Variants in SEMA6B observed in about 807,000 individuals in gnomAD.
SEMA6B encodes the protein semaphorin 6B, also known as semaphorin-6B.
In SEMA6B, 47 loss-of-function variants were observed where a neutral mutation model predicts 78.6. The ratio of observed to expected loss-of-function variants is 0.60; its 90% CI spans 0.47 to 0.76. The LOEUF is 0.76. Among genes scored for constraint, SEMA6B ranks in the 30% least tolerant of loss-of-function variants. The pLI is 0.00. For missense variants in SEMA6B, 1,213 were observed against 1,269.9 expected (o/e 0.96, Z 0.68); for synonymous variants, 632 against 592.2 (o/e 1.07, Z -0.98).
At position 4,557,194 on chromosome 19, in the gene SEMA6B, G is replaced by C. The variant is rs770748233; in HGVS notation, c.275C>G (p.Pro92Arg). 5.6e-6 allele frequency: 9 copies of C among 1,605,810 alleles called. No individual in the cohort carries two copies. The East Asian group carries it at 1.6e-4, about 28-fold the overall frequency. ...GTACCGCAGCTCCGTGGACGTGGGG[G>C]GCTCCAGCTCTACGCGGTAGAGGTT... ...RDNLYRVELE[P>R]PTSTELRYQR... Residue 92 changes from proline to arginine, a missense_variant, in exon 4 of 17, where the codon CCC becomes CGC. Physicochemically the swap from Pro to Arg is moderately radical, Grantham distance 103. Transcript: ENST00000586582.
chr19:4,555,037 G>T lies in SEMA6B; in HGVS notation c.621C>A (p.Tyr207Ter). The change falls in exon 8 of 17, where the codon TAC becomes TAA. Residue 207 changes from tyrosine to a stop codon, truncating the protein, a stop_gained. Transcript: ENST00000586582. LOFTEE classifies it high-confidence loss of function. This position sits in a 1 kb window ranked among gnomAD's most constrained non-coding sequence, Gnocchi z 6.1. Reference protein sequence around the residue: ...TDFLAIDAVIYRSLGDRPTLR... With the variant: ...TDFLAIDAVI Reference sequence around the variant, plus strand: ...GGGTGGGCCTGTCCCCGAGGCTGCGGTAGATGACAGCATCAATGGCTAGGA... The same window carrying T: ...GGGTGGGCCTGTCCCCGAGGCTGCGTTAGATGACAGCATCAATGGCTAGGA... 6.2e-7 allele frequency: 1 copy of T among 1,614,026 alleles called. No homozygotes were observed. Among genetic ancestry groups the T allele is most frequent in the Non-Finnish European group, 8.5e-7 (1 of 1,179,976 alleles).
chr19:4,556,530 G>A (rs1977474519), intron 5 of SEMA6B, among the ~76,000 whole-genome samples: 1 of 143,728 alleles, frequency 7.0e-6, no homozygotes, highest in Non-Finnish European at 1.5e-5. Flanking sequence ...CCGGGGGCGT[G>A]GGGGGCGGCA....
At position 4,550,999 on chromosome 19, in the gene SEMA6B, G is replaced by C. The variant is rs544110179; in HGVS notation, c.990-69C>G. The C allele has an allele frequency of 3.5e-4, 552 of 1,566,644 alleles. 6 individuals carry two copies. In the South Asian group the frequency reaches 5.7e-3, roughly 16 times the overall value. On this transcript the variant is annotated intron_variant, in intron 10 of 16. Transcript: ENST00000586582. This position sits in a 1 kb window ranked among gnomAD's most constrained non-coding sequence, Gnocchi z 6.6. ...CCCCATCTCGGACAAGTGCGTGCAG[G>C]AGCCTCTGTCTGCAGGAGCCAGTGA...
chr19:4,553,807 GA>G (rs1350925910), intron 9 of SEMA6B, among the ~76,000 whole-genome samples: 3 of 144,334 alleles, frequency 2.1e-5, no homozygotes, highest in African/African-American at 7.8e-5. Context: ...ATGGATGGAT[GA>G]ATGGATGGGT....
rs1568258219 is a variant in SEMA6B at position 4,555,900 on chromosome 19, C to A, written c.471+88G>T. On this transcript the variant is annotated intron_variant, in intron 6 of 16. Coordinates refer to ENST00000586582, the MANE Select transcript of SEMA6B (RefSeq NM_032108.4). The surrounding 1 kb of genome is among the most constrained non-coding windows in gnomAD (Gnocchi z 6.1). Reference sequence around the variant, plus strand: ...GGAAGGCTTCCTGGAGGAGGTGACACGGCCTGGGGAAAAGCCATGGCCAGC... The same window carrying A: ...GGAAGGCTTCCTGGAGGAGGTGACAAGGCCTGGGGAAAAGCCATGGCCAGC... The A allele has an allele frequency of 1.9e-6, 2 of 1,047,842 alleles. No individual in the cohort carries two copies. The highest frequency in any genetic ancestry group is 1.5e-6 in the Non-Finnish European group (1 of 668,156). 64.9% of individuals were successfully genotyped at this position (1,047,842 alleles called of 1,614,324 possible). A position where few individuals can be genotyped will look rare whatever the true frequency, so the allele number is the denominator to read the frequency against.
chr19:4,556,234 G>C, intron 5 of SEMA6B, 145 bp from the exon 6 acceptor site: 1 of 645,210 alleles, frequency 1.5e-6, no homozygotes, highest in Non-Finnish European at 2.8e-6. Context: ...ACTGGCTGGG[G>C]ACACGGTGCG....
Position 4,543,985 on chromosome 19 carries a change from C to T in SEMA6B, c.2283G>A (p.Gln761=). 8.3e-7 allele frequency: 1 copy of T among 1,205,298 alleles called. No homozygotes were observed. Among genetic ancestry groups the T allele is most frequent in the Non-Finnish European group, 1.0e-6 (1 of 971,244 alleles). 74.7% of individuals were successfully genotyped at this position (1,205,298 alleles called of 1,614,324 possible). ...LLLAPARAPE[Q]PPAPGEPTPD... is the part of the protein sequence containing the mutation. ...GGGTCGGCTCCCCAGGCGCGGGGGG[C>T]TGCTCGGGGGCCCGGGCGGGCGCCA... is the stretch of plus-strand genomic sequence containing the variant. The change falls in exon 17 of 17, where the codon CAG becomes CAA. Residue 761 remains glutamine (Q), a synonymous_variant. Transcript: ENST00000586582.
Position 4,550,129 on chromosome 19 carries a change from A to G in SEMA6B, c.1265T>C (p.Leu422Pro), listed in dbSNP as rs202111768. The G allele has an allele frequency of 2.5e-6, 4 of 1,613,616 alleles. No individual in the cohort carries two copies. In the African/African-American group the frequency reaches 5.3e-5, roughly 22 times the overall value. Reference sequence around the variant, plus strand: ...CTGCCTCTCCAGGACCGACCTCATCAGGGTCCGCAGGATCCAGGGCGCATG... The same window carrying G: ...CTGCCTCTCCAGGACCGACCTCATCGGGGTCCGCAGGATCCAGGGCGCATG... ...LGHAPWILRT[L>P]MRHQLTRVAV... Residue 422 changes from leucine to proline, a missense_variant, in exon 12 of 17, where the codon CTG becomes CCG. Physicochemically the swap from Leu to Pro is moderately conservative, Grantham distance 98. Transcript: ENST00000586582. This position sits in a 1 kb window ranked among gnomAD's most constrained non-coding sequence, Gnocchi z 6.6.
intron 16 of SEMA6B, chr19:4,545,932 C>T (rs960321451): frequency 1.2e-4 from 27 of 232,296 alleles, no homozygotes; most frequent in Admixed American, 4.7e-4. Context: ...CCACCACGCC[C>T]GGCTAATTTT....
chr19:4,545,175 TACTA>T (rs1368972305), intron 16 of SEMA6B, among the ~76,000 whole-genome samples: 1 of 151,504 alleles, frequency 6.6e-6, no homozygotes, highest in East Asian at 2.0e-4. Flanking sequence ...AACCCATCTC[TACTA>T]AAAATACAAA....
At chr19:4,556,787 G>A (rs1163434165) in intron 5 of SEMA6B, among the ~76,000 whole-genome samples, 164 bp downstream of exon 5, 1 of 147,804 alleles carries the variant, frequency 6.8e-6, no homozygotes, top group African/African-American at 2.5e-5. Context: ...GCTGTTTGGG[G>A]GTGTGGCCAG....
At chr19:4,553,635 G>A (rs1232583867) in intron 9 of SEMA6B, among the ~76,000 whole-genome samples, 2 of 150,536 alleles carry the variant, frequency 1.3e-5, no homozygotes, top group African/African-American at 4.9e-5. Flanking sequence ...AGGATGGATG[G>A]ATGGGTGGGT....
chr19:4,548,532 TACAG>T, intron 12 of SEMA6B, 87 bp from the exon 13 acceptor site: 1 of 1,245,430 alleles, frequency 8.0e-7, no homozygotes, highest in South Asian at 1.3e-5. Context: ...CACGGGTGCA[TACAG>T]ACACTGACAC....
In SEMA6B at chr19:4,554,936, G is replaced by C. The variant is rs200571333; in HGVS notation, c.682+40C>G. 3.7e-6 allele frequency: 6 copies of C among 1,605,090 alleles called. No individual in the cohort carries two copies. The East Asian group carries it at 1.3e-4, about 36-fold the overall frequency. ...AGATTTGATGAATGTCAGGTTCTGG[G>C]CCCTGCCAGGTCTGGGCCCACTGCC... On this transcript the variant is annotated intron_variant, in intron 8 of 16. Transcript: ENST00000586582.
At position 4,543,127 on chromosome 19, in the gene SEMA6B, C is replaced by G; in HGVS notation, c.*474G>C. On this transcript the variant is annotated 3_prime_UTR_variant, in exon 17 of 17. Transcript: ENST00000586582. Reference sequence around the variant, plus strand: ...CGGCCCCTTGCACACGAACACGGCACGCACACGCACGCACACCCACACACG... The same window carrying G: ...CGGCCCCTTGCACACGAACACGGCAGGCACACGCACGCACACCCACACACG... The G allele has an allele frequency of 3.2e-6, 2 of 616,962 alleles. No homozygotes were observed. Among genetic ancestry groups the G allele is most frequent in the South Asian group, 3.7e-5 (2 of 54,742 alleles). 38.2% of individuals were successfully genotyped at this position (616,962 alleles called of 1,614,324 possible).
chr19:4,554,960 C>T lies in SEMA6B; in HGVS notation c.682+16G>A. 6.2e-7 allele frequency: 1 copy of T among 1,612,160 alleles called. No individual in the cohort carries two copies. The highest frequency in any genetic ancestry group is 8.5e-7 in the Non-Finnish European group (1 of 1,178,674). On this transcript the variant is annotated intron_variant, in intron 8 of 16. Transcript: ENST00000586582. ...GGCCCTGCCAGGTCTGGGCCCACTG[C>T]CCTTCCTGGTCTCACCTTTGAACCA...
Position 4,543,032 on chromosome 19 carries a change from C to A in SEMA6B, c.*569G>T. On this transcript the variant is annotated 3_prime_UTR_variant, in exon 17 of 17. Coordinates refer to ENST00000586582, the MANE Select transcript of SEMA6B (RefSeq NM_032108.4). ...TCGTCGCTCGTGGACACACACCCTG[C>A]ACGCGTGGCCCACTTGACACACACG... The A allele has an allele frequency of 1.5e-6, 1 of 676,170 alleles. No homozygotes were observed. The highest frequency in any genetic ancestry group is 2.1e-5 in the Admixed American group (1 of 48,088). 41.9% of individuals were successfully genotyped at this position (676,170 alleles called of 1,614,324 possible).
In SEMA6B at chr19:4,550,119, C is replaced by A; in HGVS notation, c.1271+4G>T. ...TCGCCATGCCCTGCCTCTCCAGGAC[C>A]GACCTCATCAGGGTCCGCAGGATCC... is the stretch of plus-strand genomic sequence containing the variant. On this transcript the variant is annotated splice_donor_region_variant and intron_variant, in intron 12 of 16. Transcript: ENST00000586582. The surrounding 1 kb of genome is among the most constrained non-coding windows in gnomAD (Gnocchi z 6.6). 5 of 1,613,580 alleles carry A rather than the reference C, an allele frequency of 3.1e-6. No homozygotes were observed. In the South Asian group the frequency reaches 4.4e-5, roughly 14 times the overall value.
chr19:4,546,307 C>T, intron 15 of SEMA6B, 33 bp from the exon 16 acceptor site: 1 of 1,610,820 alleles, frequency 6.2e-7, no homozygotes, highest in Admixed American at 1.7e-5. Flanking sequence ...TCAGCAGAGG[C>T]CCCTCTCACA....
Sources: allele counts gnomAD v4.1 joint callset (sites outside exome capture counted in the v4.1 genomes callset), GRCh38; gene constraint gnomAD v4.1.1; non-coding constraint Gnocchi (gnomAD v3.1); transcripts MANE v1.5; gene names NCBI Gene and HGNC (gene_info 2026-07-23, HGNC 2026-07-21).